The following GJB7 variants were observed in gnomAD, a reference collection of about 807,000 sequenced individuals.
The protein encoded by GJB7 is gap junction beta-7 protein.
For synonymous variants in GJB7, 87 were observed against 95.2 expected, an observed-to-expected ratio of 0.91 and a Z score of 0.50; for missense variants, 253 against 256.8, an observed-to-expected ratio of 0.99 and a Z score of 0.10.
chr6:87,319,739 G>A (rs969037122), intron 2 of GJB7, among the ~76,000 whole-genome samples: 4 of 152,164 alleles, frequency 2.6e-5, no homozygotes, highest in Middle Eastern at 3.2e-3. Flanking sequence ...GTTTACTGCA[G>A]CACTATTCAC....
chr6:87,301,144 A>T (rs1207388710), intron 2 of GJB7, among the ~76,000 whole-genome samples: 1 of 152,162 alleles, frequency 6.6e-6, no homozygotes, highest in Non-Finnish European at 1.5e-5. Context: ...CAACTGAGGT[A>T]CCGAGTTCAG....
chr6:87,326,557 T>C (rs1776826313), intron 1 of GJB7, among the ~76,000 whole-genome samples: 1 of 151,070 alleles, frequency 6.6e-6, no homozygotes, highest in African/African-American at 2.4e-5. Context: ...GTTGTTCAGT[T>C]TCCATGTAGT....
chr6:87,310,727 T>A (rs1159588490), intron 2 of GJB7, among the ~76,000 whole-genome samples: 2 of 151,928 alleles, frequency 1.3e-5, no homozygotes, highest in African/African-American at 4.8e-5. Flanking sequence ...AAAAAACAGG[T>A]ACTTTGTAAA....
At chr6:87,288,466 A>G (rs1776102127) in intron 2 of GJB7, among the ~76,000 whole-genome samples, 1 of 152,196 alleles carries the variant, frequency 6.6e-6, no homozygotes, top group African/African-American at 2.4e-5. Flanking sequence ...TCTTGCCTCT[A>G]CATATATGTC....
chr6:87,316,615 G>C (rs767725053), intron 2 of GJB7, among the ~76,000 whole-genome samples: 25 of 152,168 alleles, frequency 1.6e-4, no homozygotes, highest in Non-Finnish European at 3.5e-4. Flanking sequence ...AAGCCACTGG[G>C]GCATTAATCT....
intron 1 of GJB7, among the ~76,000 whole-genome samples, chr6:87,328,673 T>G (rs1487201183): frequency 6.6e-6 from 1 of 152,208 alleles, no homozygotes. Context: ...GACAGGGACA[T>G]TTAAGTCTGC....
intron 2 of GJB7, among the ~76,000 whole-genome samples, chr6:87,304,999 T>A (rs529926768): frequency 2.0e-4 from 30 of 152,276 alleles, no homozygotes; most frequent in African/African-American, 5.3e-4. Flanking sequence ...AAACTCTCAA[T>A]AAATTAGGTA....
intron 2 of GJB7, among the ~76,000 whole-genome samples, chr6:87,303,557 G>A (rs533553641): frequency 2.0e-5 from 3 of 152,282 alleles, no homozygotes; most frequent in African/African-American, 7.2e-5. Flanking sequence ...AAGAGACTTA[G>A]ACTTCCACAC....
At chr6:87,326,183 G>A (rs1449131556) in intron 1 of GJB7, among the ~76,000 whole-genome samples, 1 of 152,144 alleles carries the variant, frequency 6.6e-6, no homozygotes, top group Admixed American at 6.5e-5. Context: ...CTTGCTAGCG[G>A]TCTATCAATT....
chr6:87,297,104 AC>A (rs1162653224), intron 2 of GJB7, among the ~76,000 whole-genome samples: 1 of 152,154 alleles, frequency 6.6e-6, no homozygotes, highest in East Asian at 1.9e-4. Flanking sequence ...CCTTCATTGC[AC>A]TTCCCCTCCT....
chr6:87,322,590 G>C (rs1435198981), intron 2 of GJB7: 1 of 152,382 alleles, frequency 6.6e-6, no homozygotes, highest in African/African-American at 2.4e-5. Context: ...GGCGAAGCGG[G>C]GCGGGGCGTC....
chr6:87,328,408 G>T (rs1401926322), intron 1 of GJB7, among the ~76,000 whole-genome samples: 2 of 152,158 alleles, frequency 1.3e-5, no homozygotes, highest in East Asian at 1.9e-4. Flanking sequence ...CTTTGTTGAT[G>T]GTGATGTACA....
At chr6:87,303,608 C>T (rs922338570) in intron 2 of GJB7, among the ~76,000 whole-genome samples, 6 of 152,144 alleles carry the variant, frequency 3.9e-5, no homozygotes, top group Non-Finnish European at 7.3e-5. Flanking sequence ...CAATATTACA[C>T]AGATCAATGA....
chr6:87,328,437 A>G (rs1255778812), intron 1 of GJB7, among the ~76,000 whole-genome samples: 2 of 151,812 alleles, frequency 1.3e-5, no homozygotes, highest in Non-Finnish European at 2.9e-5. Context: ...TTTGGTGTGG[A>G]TGTCCTTTCT....
intron 2 of GJB7, among the ~76,000 whole-genome samples, chr6:87,285,380 C>A (rs1405409689): frequency 6.6e-6 from 1 of 152,182 alleles, no homozygotes; most frequent in Non-Finnish European, 1.5e-5. Context: ...TTCTCTAATT[C>A]GTTAATGCCC....
At chr6:87,324,776 C>T (rs1273434073) in intron 1 of GJB7, among the ~76,000 whole-genome samples, 1 of 152,126 alleles carries the variant, frequency 6.6e-6, no homozygotes, top group Non-Finnish European at 1.5e-5. Context: ...TCCATATGAA[C>T]TTTAAAGTAG....
At position 87,312,511 on chromosome 6, in the gene GJB7, C is replaced by CAA. The variant is rs58594492; in HGVS notation, c.-28+10353_-28+10354dup. ...GGGCAACAGAGTGAGACTCTGTCTACAAAAAAAAAAACAAAAAAAAAACTG... is the reference window on the plus strand; with the variant it reads ...GGGCAACAGAGTGAGACTCTGTCTACAAAAAAAAAAAAACAAAAAAAAAACTG... On this transcript the variant is annotated intron_variant, in intron 2 of 2. Coordinates refer to ENST00000525899, the MANE Select transcript of GJB7 (RefSeq NM_198568.3). Among the ~76,000 whole-genome samples the CAA allele has an allele frequency of 8.8e-5, 6 of 68,388 alleles. No individual in the cohort carries two copies. The East Asian group carries it at 1.5e-3, about 17-fold the overall frequency. 44.9% of individuals were successfully genotyped at this position (68,388 alleles called of 152,430 possible). A position where few individuals can be genotyped will look rare whatever the true frequency, so the allele number is the denominator to read the frequency against.
chr6:87,284,252 GGAC>G lies in GJB7; in HGVS notation c.658_660del (p.Val220del). Reference sequence around the variant, plus strand: ...TGAGGCTGTGGCACTCACACACTGAGGACTTGAGGTTTTTTTAAATATTTTTGG... The same window carrying G: ...TGAGGCTGTGGCACTCACACACTGAGTTGAGGTTTTTTTAAATATTTTTGG... On this transcript the variant is annotated inframe_deletion, in exon 3 of 3. Coordinates refer to ENST00000525899, the MANE Select transcript of GJB7 (RefSeq NM_198568.3). The G allele has an allele frequency of 6.2e-7, 1 of 1,612,900 alleles. No individual in the cohort carries two copies. The highest frequency in any genetic ancestry group is 8.5e-7 in the Non-Finnish European group (1 of 1,179,382).
chr6:87,321,155 G>T (rs1390452336), intron 2 of GJB7, among the ~76,000 whole-genome samples: 1 of 151,192 alleles, frequency 6.6e-6, no homozygotes, highest in South Asian at 2.1e-4. Flanking sequence ...GGAGGTGGAG[G>T]TTGCAGTGAG....
Sources: allele counts gnomAD v4.1 joint callset (sites outside exome capture counted in the v4.1 genomes callset), GRCh38; gene constraint gnomAD v4.1.1; transcripts MANE v1.5; gene names NCBI Gene and HGNC (gene_info 2026-07-23, HGNC 2026-07-21).